PTCH1: variants seen among roughly 807,000 people sequenced by gnomAD.
PTCH1 encodes the protein patched 1, also known as protein patched homolog 1.
PTCH1 carries 14 observed loss-of-function variants against 144.6 expected under a neutral mutation model. The ratio of observed to expected loss-of-function variants is 0.10; its 90% CI spans 0.06 to 0.15. The LOEUF is 0.15. PTCH1 is among the 10% of genes least tolerant of loss of function. PTCH1 has a pLI of 1.00. For synonymous variants in PTCH1, 833 were observed against 793.6 expected, an observed-to-expected ratio of 1.05 and a Z score of -0.83; for missense variants, 1,623 against 1,948.3, an observed-to-expected ratio of 0.83 and a Z score of 3.14.
At chr9:95,478,629 A>G (rs1015403309) in intron 8 of PTCH1, among the ~76,000 whole-genome samples, 9 of 152,182 alleles carry the variant, frequency 5.9e-5, no homozygotes, top group African/African-American at 2.2e-4. Context: ...TGCTTGGGAA[A>G]CAAAGGCCAG....
At chr9:95,494,172 G>T in intron 2 of PTCH1, 3 of 982,798 alleles carry the variant, frequency 3.1e-6, no homozygotes, top group Non-Finnish European at 3.6e-6. Context: ...CCGGAAGCAA[G>T]CTTCCCCGCC....
chr9:95,475,276 C>A (rs1327973697), intron 12 of PTCH1, among the ~76,000 whole-genome samples: 1 of 152,170 alleles, frequency 6.6e-6, no homozygotes, highest in Non-Finnish European at 1.5e-5. Flanking sequence ...AGAAAATACC[C>A]TGACGGCCTC....
At chr9:95,471,898 G>A (rs1431300621) in intron 12 of PTCH1, among the ~76,000 whole-genome samples, 5 of 152,184 alleles carry the variant, frequency 3.3e-5, no homozygotes, top group African/African-American at 9.7e-5. Flanking sequence ...TTAGCCAGGC[G>A]TGGTGGCGCA....
intron 15 of PTCH1, among the ~76,000 whole-genome samples, chr9:95,462,773 G>T (rs938349438): frequency 6.6e-6 from 1 of 152,202 alleles, no homozygotes; most frequent in South Asian, 2.1e-4. Context: ...AAGCCGGGGA[G>T]GGGGAGGAAA....
intron 2 of PTCH1, among the ~76,000 whole-genome samples, chr9:95,489,352 TTTTTC>T (rs1176036309): frequency 1.3e-5 from 2 of 152,166 alleles, no homozygotes; most frequent in African/African-American, 4.8e-5. Context: ...TTCCCCCTTC[TTTTTC>T]TTTTATTTAA....
At chr9:95,470,849 TG>T (rs1840503046) in intron 12 of PTCH1, among the ~76,000 whole-genome samples, 1 of 151,944 alleles carries the variant, frequency 6.6e-6, no homozygotes, top group Non-Finnish European at 1.5e-5. Context: ...CTGAGGTGGG[TG>T]GATCACGGGG....
rs1838218958 is a variant in PTCH1 at position 95,449,190 on chromosome 9, T to C, written c.3683A>G (p.Gln1228Arg). The C allele has an allele frequency of 1.2e-6, 2 of 1,611,546 alleles. No individual in the cohort carries two copies. The highest frequency in any genetic ancestry group is 1.7e-6 in the Non-Finnish European group (2 of 1,178,862). ...CTCGCTGAGGCCTGACACTGTCGTC[T>C]GGGAACTATACTCCGAGTCGGAGGA... ...SDSSDSEYSS[Q>R]TTVSGLSEEL... Residue 1228 changes from glutamine (Q) to arginine (R), a missense_variant, in exon 22 of 24, where the codon CAG becomes CGG. By Grantham distance (43) the Gln-to-Arg change is conservative. Transcript: ENST00000331920. The surrounding 1 kb of genome is among the most constrained non-coding windows in gnomAD (Gnocchi z 5.3).
In PTCH1 at chr9:95,485,824, C is replaced by T. The variant is rs1841926268; in HGVS notation, c.445G>A (p.Glu149Lys). ...AGTTGAGGATTAAACATAGCCTCTT[C>T]TCCAATCTTCTGGCGAGTATAATTT... ...ELNYTRQKIGEEAMFNPQLMI... is the reference protein window; with the variant it reads ...ELNYTRQKIGKEAMFNPQLMI... The change falls in exon 3 of 24, where the codon GAA becomes AAA. Residue 149 changes from glutamate (E) to lysine (K), a missense_variant. This residue lies in a region of PTCH1 where 245 missense variants were observed against 240.6 expected (regional missense o/e 1.02). Coordinates refer to ENST00000331920, the MANE Select transcript of PTCH1 (RefSeq NM_000264.5). 1.2e-6 allele frequency: 2 copies of T among 1,614,082 alleles called. No homozygotes were observed. Among genetic ancestry groups the T allele is most frequent in the South Asian group, 2.2e-5 (2 of 91,084 alleles).
At chr9:95,463,346 G>T (rs968385092) in intron 15 of PTCH1, among the ~76,000 whole-genome samples, 1 of 152,000 alleles carries the variant, frequency 6.6e-6, no homozygotes, top group African/African-American at 2.4e-5. Context: ...GGTGAAAGGA[G>T]TCTGTGTCAG....
chr9:95,508,068 A>G, intron 1 of PTCH1, 93 bp downstream of exon 1: 1 of 1,574,176 alleles, frequency 6.4e-7, no homozygotes. Context: ...TGAGAGAGAG[A>G]GGAAGAGAGT....
chr9:95,515,778 C>T (rs375781622), intron 1 of PTCH1, among the ~76,000 whole-genome samples: 22 of 152,356 alleles, frequency 1.4e-4, no homozygotes, highest in East Asian at 7.7e-4. Context: ...TTACCCACCG[C>T]CCCTTCCAGA....
intron 20 of PTCH1, chr9:95,452,207 G>C (rs1339510232): frequency 6.6e-6 from 1 of 152,192 alleles, no homozygotes; most frequent in East Asian, 1.9e-4. Flanking sequence ...AAATTGCCCA[G>C]TGGGCTATGC....
At chr9:95,501,799 G>T (rs577288580) in intron 2 of PTCH1, among the ~76,000 whole-genome samples, 59 of 152,260 alleles carry the variant, frequency 3.9e-4, no homozygotes, top group Non-Finnish European at 7.4e-5. Flanking sequence ...GATATGAAAA[G>T]AAATAGATAC....
chr9:95,504,815 G>A (rs965524619), intron 2 of PTCH1, among the ~76,000 whole-genome samples: 12 of 151,746 alleles, frequency 7.9e-5, no homozygotes, highest in African/African-American at 2.7e-4. Flanking sequence ...CCCAAATGTA[G>A]TCCAAATGCA....
At chr9:95,456,164 C>A in intron 19 of PTCH1, 112 bp downstream of exon 19, 1 of 1,513,024 alleles carries the variant, frequency 6.6e-7, no homozygotes, top group Non-Finnish European at 8.9e-7. Flanking sequence ...TGCCCTGAGG[C>A]CTTTTCACTG....
At position 95,447,955 on chromosome 9, in the gene PTCH1, G is replaced by A. The variant is rs757829597; in HGVS notation, c.3805-504C>T. Among the ~76,000 whole-genome samples the A allele has an allele frequency of 6.6e-5, 10 of 152,174 alleles. No homozygotes were observed. In the East Asian group the frequency reaches 9.6e-4, roughly 15 times the overall value. On this transcript the variant is annotated intron_variant, in intron 22 of 23. Coordinates refer to ENST00000331920, the MANE Select transcript of PTCH1 (RefSeq NM_000264.5). The stretch of plus-strand genomic sequence containing the variant: ...CAAAATCCAGCTCCTCGGTAGCCCC[G>A]GCCACATTTCAAGTGCTCCACAGCC...
At chr9:95,496,191 G>A (rs918346819) in intron 2 of PTCH1, among the ~76,000 whole-genome samples, 3 of 152,188 alleles carry the variant, frequency 2.0e-5, no homozygotes, top group Admixed American at 6.5e-5. Context: ...ATGTATAGCT[G>A]CTCGGTGCTA....
chr9:95,458,175 C>T lies in PTCH1; in HGVS notation c.3006G>A (p.Thr1002=), dbSNP rs142362404. ...EKVRTICSNY[T]SLGLSSYPNG... ...TGGGGTAACTGGACAGCCCCAGGCT[C>T]GTATAGTTGCTGCAGATGGTCCTTA... Residue 1002 remains threonine, a synonymous_variant, in exon 18 of 24, where the codon ACG becomes ACA. Transcript: ENST00000331920. This position sits in a 1 kb window ranked among gnomAD's most constrained non-coding sequence, Gnocchi z 4.7. 29 of 1,614,028 alleles carry T rather than the reference C, an allele frequency of 1.8e-5. No individual in the cohort carries two copies. In the Admixed American group the frequency reaches 2.7e-4, roughly 15 times the overall value.
chr9:95,477,931 T>C (rs1408393398), intron 9 of PTCH1, 124 bp downstream of exon 9: 2 of 1,550,964 alleles, frequency 1.3e-6, no homozygotes, highest in African/African-American at 1.4e-5. Flanking sequence ...GAAGCCACGC[T>C]CTCTCTGTCC....
Sources: allele counts gnomAD v4.1 joint callset (sites outside exome capture counted in the v4.1 genomes callset), GRCh38; gene constraint gnomAD v4.1.1; regional missense constraint gnomAD v4.1.1; non-coding constraint Gnocchi (gnomAD v3.1); transcripts MANE v1.5; gene names NCBI Gene and HGNC (gene_info 2026-07-23, HGNC 2026-07-21).